Variants in LARGE1 observed in about 807,000 individuals in gnomAD.
LARGE1 encodes the protein xylosyl- and glucuronyltransferase LARGE1.
Under a neutral mutation model 87.6 loss-of-function variants are expected in LARGE1, and 43 were observed. The ratio of observed to expected loss-of-function variants is 0.49; its 90% CI spans 0.38 to 0.63. The LOEUF (loss-of-function observed/expected upper bound fraction) is 0.63, where lower values mean the gene tolerates loss of function less well. LARGE1 is among the 30% of genes least tolerant of loss of function. The pLI, the probability that LARGE1 is intolerant of heterozygous loss-of-function variation, is 0.00. For synonymous variants in LARGE1, 434 were observed against 394.6 expected, an observed-to-expected ratio of 1.10 and a Z score of -1.18; for missense variants, 802 against 1,000.2, an observed-to-expected ratio of 0.80 and a Z score of 2.67.
At chr22:33,586,745 C>T (rs1234665828) in intron 5 of LARGE1, among the ~76,000 whole-genome samples, 3 of 152,216 alleles carry the variant, frequency 2.0e-5, no homozygotes, top group Non-Finnish European at 2.9e-5. Flanking sequence ...GCGTGAGCCA[C>T]CGCGCCCAGC....
At chr22:33,689,291 G>A (rs1336330856) in intron 2 of LARGE1, among the ~76,000 whole-genome samples, 1 of 151,984 alleles carries the variant, frequency 6.6e-6, no homozygotes, top group Non-Finnish European at 1.5e-5. Context: ...CTCAGCAGCA[G>A]TGGATGCTGC....
chr22:33,670,123 G>C (rs1376375531), intron 2 of LARGE1, among the ~76,000 whole-genome samples: 1 of 152,108 alleles, frequency 6.6e-6, no homozygotes, highest in African/African-American at 2.4e-5. Context: ...CAGCCAACAA[G>C]CTCATTCTGG....
At position 33,885,372 on chromosome 22, in the gene LARGE1, G is replaced by C. The variant is rs368500032; in HGVS notation, c.-83+34623C>G. ...GACTTCATCCCAGGAGTAGAATTGG[G>C]GTACACACCAGTACTTCAGATGGCT... is the stretch of plus-strand genomic sequence containing the variant. On this transcript the variant is annotated intron_variant, in intron 1 of 14. Transcript: ENST00000397394. Among the ~76,000 whole-genome samples, 69 of 152,254 alleles carry C rather than the reference G, an allele frequency of 4.5e-4. 1 individual carries two copies. The South Asian group carries it at 6.8e-3, about 15-fold the overall frequency.
At chr22:33,353,259 G>C (rs934372141) in intron 9 of LARGE1, among the ~76,000 whole-genome samples, 2 of 152,230 alleles carry the variant, frequency 1.3e-5, no homozygotes, top group African/African-American at 2.4e-5. Context: ...GATGTTTAAA[G>C]TCTTGTGAAA....
chr22:33,873,851 ACAAGTCACTGGTTT>A (rs2064380888), intron 1 of LARGE1, among the ~76,000 whole-genome samples: 1 of 151,826 alleles, frequency 6.6e-6, no homozygotes, highest in African/African-American at 2.4e-5. Context: ...GAAGCCAAGT[ACAAGTCACTGGTTT>A]CACCTTCCTC....
At chr22:33,860,498 T>C (rs2063884806) in intron 1 of LARGE1, among the ~76,000 whole-genome samples, 1 of 152,206 alleles carries the variant, frequency 6.6e-6, no homozygotes. Flanking sequence ...GGGGCAATCC[T>C]AGTGGTTGGG....
At position 33,435,309 on chromosome 22, in the gene LARGE1, G is replaced by T. The variant is rs188208770; in HGVS notation, c.788-3044C>A. Among the ~76,000 whole-genome samples the T allele has an allele frequency of 3.8e-4, 58 of 152,196 alleles. No homozygotes were observed. The East Asian group carries it at 0.011, about 28-fold the overall frequency. On this transcript the variant is annotated intron_variant, in intron 6 of 14. Coordinates refer to ENST00000397394, the MANE Select transcript of LARGE1 (RefSeq NM_133642.5). The stretch of plus-strand genomic sequence containing the variant: ...GAGCCACCATGCCTGGCTCCTACGG[G>T]TATTTTGCCAGCAGCTGACTTACAC...
rs1569371022 is a variant in LARGE1 at position 33,686,560 on chromosome 22, A to AAAAAAAAAG, written c.107-35893_107-35892insCTTTTTTTT. On this transcript the variant is annotated intron_variant, in intron 2 of 14. Coordinates refer to ENST00000397394, the MANE Select transcript of LARGE1 (RefSeq NM_133642.5). ...TCCATCTCAAAAAAAAAAAAAAAAA[A>AAAAAAAAAG]AAAAAACAAAAATGATATGAATAAC... Among the ~76,000 whole-genome samples, 6 of 132,798 alleles carry AAAAAAAAAG rather than the reference A, an allele frequency of 4.5e-5. 2 individuals carry two copies. The highest frequency in any genetic ancestry group is 3.1e-5 in the Non-Finnish European group (2 of 64,128). The allele number at this position is 132,798 out of a possible 152,430, so 87.1% of individuals were successfully genotyped here. A position where few individuals can be genotyped will look rare whatever the true frequency, so the allele number is the denominator to read the frequency against.
chr22:33,761,686 T>C, intron 1 of LARGE1, 128 bp from the exon 2 acceptor site: 1 of 599,504 alleles, frequency 1.7e-6, no homozygotes, highest in Non-Finnish European at 3.0e-6. Flanking sequence ...TAACCTTTCA[T>C]CCCAAGAGAT....
Position 33,273,421 on chromosome 22 carries a change from A to G in LARGE1, c.*1006T>C, listed in dbSNP as rs1161042356. 3 of 398,592 alleles carry G rather than the reference A, an allele frequency of 7.5e-6. No individual in the cohort carries two copies. The highest frequency in any genetic ancestry group is 4.1e-5 in the African/African-American group (2 of 48,624). The allele number at this position is 398,592 out of a possible 1,614,324, so 24.7% of individuals were successfully genotyped here. ...CGTGAATCTTCAGAACTGGGCTTTC[A>G]TGAATTATGAAAGTTCTTCGAAAGG... On this transcript the variant is annotated 3_prime_UTR_variant, in exon 15 of 15. Transcript: ENST00000397394.
intron 6 of LARGE1, among the ~76,000 whole-genome samples, chr22:33,449,642 A>G (rs2067830429): frequency 6.6e-6 from 1 of 152,230 alleles, no homozygotes; most frequent in Non-Finnish European, 1.5e-5. Flanking sequence ...GTGAAAAACC[A>G]AGGTTTCTGA....
chr22:33,546,345 T>A (rs961848351), intron 6 of LARGE1, among the ~76,000 whole-genome samples: 72 of 152,212 alleles, frequency 4.7e-4, no homozygotes, highest in African/African-American at 1.6e-3. Context: ...GAATGGCCTA[T>A]TTGTTCCCCT....
chr22:33,656,175 A>G (rs998651802), intron 2 of LARGE1, among the ~76,000 whole-genome samples: 5 of 152,136 alleles, frequency 3.3e-5, no homozygotes, highest in African/African-American at 1.2e-4. Flanking sequence ...CATAGCCGAG[A>G]CTGGGTAATT....
intron 6 of LARGE1, among the ~76,000 whole-genome samples, chr22:33,470,992 G>A (rs985125399): frequency 6.6e-6 from 1 of 150,612 alleles, no homozygotes; most frequent in Non-Finnish European, 1.5e-5. Context: ...TATAAACGTT[G>A]TAGGACTGAT....
chr22:33,273,568 A>G lies in LARGE1; in HGVS notation c.*859T>C, dbSNP rs1256723746. 1.3e-5 allele frequency: 5 copies of G among 398,642 alleles called. No individual in the cohort carries two copies. The highest frequency in any genetic ancestry group is 2.2e-5 in the Non-Finnish European group (5 of 226,192). 24.7% of individuals were successfully genotyped at this position (398,642 alleles called of 1,614,324 possible). On this transcript the variant is annotated 3_prime_UTR_variant, in exon 15 of 15. Coordinates refer to ENST00000397394, the MANE Select transcript of LARGE1 (RefSeq NM_133642.5). ...AAACAGCCAGCCCTCGTAATTCCGC[A>G]GTCCCCATCGCTATAGCCCCTGGAT...
chr22:33,297,839 G>T (rs1344414729), intron 12 of LARGE1, among the ~76,000 whole-genome samples: 1 of 151,828 alleles, frequency 6.6e-6, no homozygotes, highest in East Asian at 1.9e-4. Context: ...AATTAGCGAG[G>T]CGTGGTGGCA....
In LARGE1 at chr22:33,887,065, G is replaced by A. The variant is rs111397424; in HGVS notation, c.-83+32930C>T. 1.2e-4 allele frequency among the ~76,000 whole-genome samples: 18 copies of A among 152,298 alleles called. 1 individual carries two copies. The highest frequency in any genetic ancestry group is 3.6e-4 in the African/African-American group (15 of 41,556). On this transcript the variant is annotated intron_variant, in intron 1 of 14. Coordinates refer to ENST00000397394, the MANE Select transcript of LARGE1 (RefSeq NM_133642.5). Reference sequence around the variant, plus strand: ...GACCTGGGTCAGAGCAGGGGTTATCGAGGCCAGGGTGGGGAAGTGAAGGAA... The same window carrying A: ...GACCTGGGTCAGAGCAGGGGTTATCAAGGCCAGGGTGGGGAAGTGAAGGAA...
intron 2 of LARGE1, among the ~76,000 whole-genome samples, chr22:33,672,626 A>C (rs1261153584): frequency 6.6e-6 from 1 of 152,118 alleles, no homozygotes; most frequent in Non-Finnish European, 1.5e-5. Context: ...ACATTCTCTA[A>C]ACTGTTGGAA....
chr22:33,209,634 G>C (rs1193043973), intron 11 of LARGE1, among the ~76,000 whole-genome samples: 1 of 152,076 alleles, frequency 6.6e-6, no homozygotes, highest in African/African-American at 2.4e-5. Context: ...GCCTACAGTA[G>C]CAGTTCTCAA....
Sources: gnomAD v4.1 joint callset for allele counts (sites outside exome capture counted in the v4.1 genomes callset) on GRCh38, gnomAD v4.1.1 for gene constraint, MANE v1.5 for transcripts, NCBI Gene and HGNC (gene_info 2026-07-23, HGNC 2026-07-21) for gene names.